Variants in DGKI observed in about 807,000 individuals in gnomAD.
The protein encoded by DGKI is DAG kinase iota.
In DGKI, 55 loss-of-function variants were observed where a neutral mutation model predicts 147.5. That is an observed-to-expected ratio of 0.37 (90% CI 0.30 to 0.47). The LOEUF is 0.47. DGKI is among the 20% of genes least tolerant of loss of function. DGKI has a pLI of 1.00. For missense variants in DGKI, 1,007 were observed against 1,323.8 expected (o/e 0.76, Z 3.71); for synonymous variants, 469 against 477.1 (o/e 0.98, Z 0.22).
chr7:137,609,092 A>C, intron 9 of DGKI, 28 bp from the exon 10 acceptor site: 1 of 1,581,522 alleles, frequency 6.3e-7, no homozygotes, highest in Non-Finnish European at 8.7e-7. Context: ...CACTGTTAGG[A>C]TACACATCCA....
chr7:137,825,663 TACAC>T (rs542854434), intron 1 of DGKI, among the ~76,000 whole-genome samples: 50 of 150,160 alleles, frequency 3.3e-4, no homozygotes, highest in African/African-American at 1.1e-3. Flanking sequence ...CTCACACACA[TACAC>T]ACACTCACAC....
intron 1 of DGKI, among the ~76,000 whole-genome samples, chr7:137,742,530 AC>A (rs1233857821): frequency 6.6e-6 from 1 of 152,142 alleles, no homozygotes; most frequent in Non-Finnish European, 1.5e-5. Flanking sequence ...ACTCACTCCC[AC>A]AGCCACAAGA....
chr7:137,451,606 T>C (rs1201804081), intron 27 of DGKI, among the ~76,000 whole-genome samples: 1 of 152,216 alleles, frequency 6.6e-6, no homozygotes, highest in African/African-American at 2.4e-5. Flanking sequence ...CTTTATAAAG[T>C]ATTGCACCTC....
chr7:137,475,907 T>TA (rs1011233952), intron 23 of DGKI, among the ~76,000 whole-genome samples: 105 of 147,466 alleles, frequency 7.1e-4, no homozygotes, highest in South Asian at 5.3e-3. Context: ...GCTTGGTAAT[T>TA]AAAAAAAAAA....
chr7:137,656,612 GT>G (rs1467025553), intron 3 of DGKI, 72 bp from the exon 4 acceptor site: 1 of 1,384,366 alleles, frequency 7.2e-7, no homozygotes, highest in East Asian at 2.3e-5. Context: ...TAGTATTAAA[GT>G]GGGCATATAT....
intron 31 of DGKI, 145 bp from the exon 32 acceptor site, chr7:137,395,842 T>A: frequency 1.7e-6 from 1 of 602,574 alleles, no homozygotes; most frequent in Non-Finnish European, 2.8e-6. Context: ...TCTGGGGAGG[T>A]AGGGAAGGGG....
intron 20 of DGKI, among the ~76,000 whole-genome samples, chr7:137,548,738 C>T (rs184175724): frequency 1.8e-4 from 28 of 152,238 alleles, no homozygotes; most frequent in African/African-American, 6.0e-4. Context: ...GAGGCTGAGG[C>T]GGGCAGATCA....
chr7:137,747,883 T>C (rs1472163766), intron 1 of DGKI, among the ~76,000 whole-genome samples: 1 of 152,218 alleles, frequency 6.6e-6, no homozygotes, highest in Non-Finnish European at 1.5e-5. Flanking sequence ...TCTTTTGTTT[T>C]GCTAAATTGA....
chr7:137,397,235 G>T (rs1398150324), intron 31 of DGKI, 142 bp downstream of exon 31: 2 of 721,068 alleles, frequency 2.8e-6, no homozygotes, highest in African/African-American at 3.6e-5. Context: ...TATTAGCCCT[G>T]CACATTTATG....
At chr7:137,416,550 T>C (rs1812367705) in intron 28 of DGKI, among the ~76,000 whole-genome samples, 1 of 152,210 alleles carries the variant, frequency 6.6e-6, no homozygotes, top group Non-Finnish European at 1.5e-5. Flanking sequence ...GGAGTGAGTC[T>C]GACACCAAGA....
chr7:137,819,110 A>G, intron 1 of DGKI, among the ~76,000 whole-genome samples: 1 of 152,160 alleles, frequency 6.6e-6, no homozygotes, highest in African/African-American at 2.4e-5. Flanking sequence ...CAAGACTTGC[A>G]TATTTAAACT....
intron 3 of DGKI, among the ~76,000 whole-genome samples, chr7:137,674,747 CCTT>C (rs1288614459): frequency 4.3e-4 from 66 of 152,352 alleles, no homozygotes; most frequent in African/African-American, 1.5e-3. Context: ...GAAATGTTCT[CCTT>C]CTTCAAAATC....
chr7:137,835,464 T>C (rs1481854372), intron 1 of DGKI, among the ~76,000 whole-genome samples: 1 of 152,184 alleles, frequency 6.6e-6, no homozygotes, highest in Non-Finnish European at 1.5e-5. Context: ...GCTATAAAAA[T>C]GAAATACTAT....
At chr7:137,608,386 T>G (rs1295581920) in intron 10 of DGKI, among the ~76,000 whole-genome samples, 1 of 152,206 alleles carries the variant, frequency 6.6e-6, no homozygotes, top group Non-Finnish European at 1.5e-5. Context: ...AGGCATGCCT[T>G]TAGACTTAAC....
intron 28 of DGKI, among the ~76,000 whole-genome samples, chr7:137,436,749 A>C (rs973749627): frequency 9.9e-5 from 15 of 152,148 alleles, no homozygotes; most frequent in African/African-American, 3.6e-4. Flanking sequence ...GTAAATATCT[A>C]AACAAAATAT....
chr7:137,495,219 C>T (rs991484325), intron 21 of DGKI, among the ~76,000 whole-genome samples: 1 of 151,878 alleles, frequency 6.6e-6, no homozygotes, highest in Non-Finnish European at 1.5e-5. Context: ...TCTGGAAATA[C>T]ACATCCTCCC....
At chr7:137,833,966 A>G (rs146447683) in intron 1 of DGKI, among the ~76,000 whole-genome samples, 1,957 of 152,292 alleles carry the variant, frequency 0.013, 20 homozygotes, top group Middle Eastern at 0.034. Flanking sequence ...CTGGAATTCA[A>G]ACCCTGGCTC....
intron 27 of DGKI, among the ~76,000 whole-genome samples, chr7:137,461,910 G>A (rs1814458620): frequency 6.6e-6 from 1 of 152,080 alleles, no homozygotes; most frequent in South Asian, 2.1e-4. Flanking sequence ...AGTTCATTTT[G>A]ACATCTGGTT....
At chr7:137,478,487 G>A (rs201241917) in intron 23 of DGKI, among the ~76,000 whole-genome samples, 2 of 152,264 alleles carry the variant, frequency 1.3e-5, no homozygotes, top group East Asian at 3.9e-4. Flanking sequence ...TAATAGACAG[G>A]TATTACTGAA....
Sources: gnomAD v4.1 joint callset for allele counts (sites outside exome capture counted in the v4.1 genomes callset) on GRCh38, gnomAD v4.1.1 for gene constraint, MANE v1.5 for transcripts, NCBI Gene and HGNC (gene_info 2026-07-23, HGNC 2026-07-21) for gene names.